NBL1: variants seen among roughly 807,000 people sequenced by gnomAD.
NBL1 encodes the protein neuroblastoma suppressor of tumorigenicity 1.
In NBL1, 9 loss-of-function variants were observed where a neutral mutation model predicts 16.0. That is an observed-to-expected ratio of 0.56 (90% confidence interval 0.34 to 0.98). The LOEUF (loss-of-function observed/expected upper bound fraction) is 0.98, where lower values mean the gene tolerates loss of function less well. NBL1 is among the 50% of genes least tolerant of loss of function. The probability of loss-of-function intolerance (pLI) is 0.02; values close to 1 mark genes in which losing one functional copy is unlikely to be tolerated. For synonymous variants in NBL1, 86 were observed against 100.7 expected (o/e 0.85, Z 0.87); for missense variants, 196 against 243.1 (o/e 0.81, Z 1.29).
chr1:19,654,403 A>C (rs777646770), intron 1 of NBL1, among the ~76,000 whole-genome samples: 11 of 152,200 alleles, frequency 7.2e-5, no homozygotes, highest in Non-Finnish European at 1.5e-4. Flanking sequence ...ATCTTTTCTC[A>C]AAAAACAAAA....
intron 1 of NBL1, among the ~76,000 whole-genome samples, chr1:19,646,646 C>T (rs2094982105): frequency 6.6e-6 from 1 of 152,158 alleles, no homozygotes; most frequent in Non-Finnish European, 1.5e-5. Context: ...GCAGCCCAGC[C>T]ACCCTCCACA....
intron 1 of NBL1, among the ~76,000 whole-genome samples, chr1:19,648,835 C>T (rs895818649): frequency 6.6e-6 from 1 of 152,102 alleles, no homozygotes; most frequent in Non-Finnish European, 1.5e-5. Context: ...TAAAGCCTCA[C>T]GGCGCCCCCA....
intron 1 of NBL1, among the ~76,000 whole-genome samples, chr1:19,650,044 G>A (rs538865618): frequency 4.0e-5 from 6 of 151,628 alleles, no homozygotes; most frequent in African/African-American, 1.5e-4. Context: ...GCGTGATCTC[G>A]GCTCACTGCA....
chr1:19,652,919 C>T (rs1334798864), intron 1 of NBL1, among the ~76,000 whole-genome samples: 4 of 151,744 alleles, frequency 2.6e-5, no homozygotes, highest in African/African-American at 4.8e-5. Context: ...ACCCGGGAGG[C>T]GGAGGTTGCA....
Position 19,644,927 on chromosome 1 carries a change from C to T in NBL1, c.-20+481C>T, listed in dbSNP as rs1362865310. ...TCTCCGTCGCTCCGTTTCCGCCGCTCACTTTCCCCTGGTCTGCCCGTCTCT... is the reference window on the plus strand; with the variant it reads ...TCTCCGTCGCTCCGTTTCCGCCGCTTACTTTCCCCTGGTCTGCCCGTCTCT... On this transcript the variant is annotated intron_variant, in intron 1 of 3. Transcript: ENST00000375136. The surrounding 1 kb of genome is among the most constrained non-coding windows in gnomAD (Gnocchi z 4.6). 1.3e-5 allele frequency among the ~76,000 whole-genome samples: 2 copies of T among 152,188 alleles called. No individual in the cohort carries two copies. The highest frequency in any genetic ancestry group is 2.9e-5 in the Non-Finnish European group (2 of 68,020).
At chr1:19,653,564 A>T (rs1387879476) in intron 1 of NBL1, among the ~76,000 whole-genome samples, 2 of 152,176 alleles carry the variant, frequency 1.3e-5, no homozygotes, top group African/African-American at 4.8e-5. Flanking sequence ...CTTTTACTCC[A>T]CAAGTTCCTA....
Position 19,644,363 on chromosome 1 carries a change from CTGCCGGCCGCCTCGCCG to C in NBL1, c.-102_-86del. 4.1e-6 allele frequency: 4 copies of C among 978,578 alleles called. No individual in the cohort carries two copies. Among genetic ancestry groups the C allele is most frequent in the Non-Finnish European group, 4.8e-6 (4 of 826,858 alleles). 60.6% of individuals were successfully genotyped at this position (978,578 alleles called of 1,614,324 possible). On this transcript the variant is annotated 5_prime_UTR_variant, in exon 1 of 4. Coordinates refer to ENST00000375136, the MANE Select transcript of NBL1 (RefSeq NM_005380.8). The surrounding 1 kb of genome is among the most constrained non-coding windows in gnomAD (Gnocchi z 4.6). ...GAGCGTCGCGGGGCCGCCCCCCGCC[CTGCCGGCCGCCTCGCCG>C]AGCCTCCTGGGGCGCCCGGGCCCGC...
intron 1 of NBL1, chr1:19,647,681 C>T: frequency 1.0e-6 from 1 of 985,392 alleles, no homozygotes; most frequent in Non-Finnish European, 1.2e-6. Context: ...GTAGAATCGT[C>T]CGTCTCCATC....
chr1:19,656,510 G>C (rs2095057342), intron 3 of NBL1, among the ~76,000 whole-genome samples: 1 of 151,978 alleles, frequency 6.6e-6, no homozygotes, highest in South Asian at 2.1e-4. Context: ...TCAGGGGTAG[G>C]GGGGCCAGCC....
chr1:19,648,000 G>A (rs539038204), intron 1 of NBL1, among the ~76,000 whole-genome samples: 181 of 152,182 alleles, frequency 1.2e-3, no homozygotes, highest in African/African-American at 4.2e-3. Context: ...GGTGGTTTGG[G>A]GTATGCCTGC....
intron 1 of NBL1, chr1:19,646,134 C>T (rs2094978738): frequency 4.4e-6 from 6 of 1,366,420 alleles, no homozygotes; most frequent in Admixed American, 2.0e-5. Context: ...CCTGTGTGTC[C>T]GCCCTCTGGA....
At chr1:19,653,115 G>A (rs11587840) in intron 1 of NBL1, among the ~76,000 whole-genome samples, 63,164 of 151,156 alleles carry the variant, frequency 0.42, 13,584 homozygotes, top group Non-Finnish European at 0.45. Context: ...GTGAAACCCC[G>A]TCTCTACTGA....
At chr1:19,647,462 A>G (rs1376701435) in intron 1 of NBL1, 2 of 223,916 alleles carry the variant, frequency 8.9e-6, no homozygotes, top group African/African-American at 2.3e-5. Flanking sequence ...AAAGATTAGA[A>G]TGGCTGAGCT....
At chr1:19,645,660 G>A in intron 1 of NBL1, 1 of 1,179,586 alleles carries the variant, frequency 8.5e-7, no homozygotes, top group Non-Finnish European at 1.1e-6. Flanking sequence ...CTTGGGCGTG[G>A]TTTGCCTTGA....
upstream of NBL1, chr1:19,644,187 C>T (rs1204067633): frequency 1.0e-6 from 1 of 979,974 alleles, no homozygotes; most frequent in Non-Finnish European, 1.2e-6. The surrounding 1 kb of genome is among the most constrained non-coding windows in gnomAD (Gnocchi z 4.6). Flanking sequence ...AGGGAGAGGC[C>T]GCGCGCGCCC....
intron 1 of NBL1, chr1:19,646,010 C>T: frequency 3.9e-6 from 6 of 1,550,390 alleles, no homozygotes; most frequent in Middle Eastern, 1.7e-4. Context: ...GACTGTTTTT[C>T]GTTTGCGGGC....
At chr1:19,647,771 T>A in intron 1 of NBL1, 4 of 679,252 alleles carry the variant, frequency 5.9e-6, no homozygotes, top group Non-Finnish European at 5.5e-6. Flanking sequence ...AGCCCTGCCC[T>A]TTCCACCGAG....
rs532140819 is a variant in NBL1, at chr1:19,651,335, C to A, written c.-19-3677C>A. Among the ~76,000 whole-genome samples the A allele has an allele frequency of 6.6e-5, 10 of 152,290 alleles. No homozygotes were observed. In the South Asian group the frequency reaches 2.1e-3, roughly 32 times the overall value. On this transcript the variant is annotated intron_variant, in intron 1 of 3. Transcript: ENST00000375136. ...GGGCCTGGTGGGTTGGGTTATAGCA[C>A]CCCTCTGTGGACACAGCTGGCCCTG...
chr1:19,654,293 T>C (rs2095044034), intron 1 of NBL1, among the ~76,000 whole-genome samples: 1 of 152,052 alleles, frequency 6.6e-6, no homozygotes, highest in South Asian at 2.1e-4. Flanking sequence ...TCCCAGCAAC[T>C]CGGGAGGCTG....
Sources: gnomAD v4.1 joint callset for allele counts (sites outside exome capture counted in the v4.1 genomes callset) on GRCh38, gnomAD v4.1.1 for gene constraint, Gnocchi (gnomAD v3.1) non-coding constraint, MANE v1.5 for transcripts, NCBI Gene and HGNC (gene_info 2026-07-23, HGNC 2026-07-21) for gene names.